Variants in PLCL1 observed in about 807,000 individuals in gnomAD.
PLCL1 encodes the protein phospholipase C like 1 (inactive), also known as inactive phospholipase C-like protein 1.
PLCL1 carries 41 observed loss-of-function variants against 84.4 expected under a neutral mutation model. The ratio of observed to expected loss-of-function variants is 0.49; its 90% confidence interval spans 0.38 to 0.63. The LOEUF (loss-of-function observed/expected upper bound fraction) is 0.63, where lower values mean the gene tolerates loss of function less well. PLCL1 is among the 30% of genes least tolerant of loss of function. The probability of loss-of-function intolerance (pLI) is 0.00; values close to 1 mark genes in which losing one functional copy is unlikely to be tolerated. For missense variants in PLCL1, 1,206 were observed against 1,367.8 expected, an observed-to-expected ratio of 0.88 and a Z score of 1.87; for synonymous variants, 490 against 488.3, an observed-to-expected ratio of 1.00 and a Z score of -0.05.
At chr2:198,039,483 C>G (rs1428554492) in intron 1 of PLCL1, among the ~76,000 whole-genome samples, 3 of 152,056 alleles carry the variant, frequency 2.0e-5, no homozygotes, top group Non-Finnish European at 4.4e-5. Context: ...AAATATTTTC[C>G]TGTCTCTTGG....
intron 1 of PLCL1, among the ~76,000 whole-genome samples, chr2:197,911,672 T>C (rs2105746539): frequency 6.6e-6 from 1 of 152,306 alleles, no homozygotes; most frequent in Admixed American, 6.5e-5. Flanking sequence ...TAGCTTCCTG[T>C]CCAATTTGTG....
At chr2:197,936,698 T>C (rs969659139) in intron 1 of PLCL1, among the ~76,000 whole-genome samples, 2 of 152,178 alleles carry the variant, frequency 1.3e-5, no homozygotes, top group Non-Finnish European at 2.9e-5. Flanking sequence ...ATTCTGTGAG[T>C]TGTCTCTTCA....
At chr2:197,961,689 A>G (rs1689627636) in intron 1 of PLCL1, among the ~76,000 whole-genome samples, 2 of 152,000 alleles carry the variant, frequency 1.3e-5, no homozygotes, top group African/African-American at 4.8e-5. Flanking sequence ...GGGCCATGGC[A>G]GTTAACGTCT....
At position 198,016,885 on chromosome 2, in the gene PLCL1, A is replaced by G. The variant is rs74929275; in HGVS notation, c.241-66873A>G. On this transcript the variant is annotated intron_variant, in intron 1 of 5. Transcript: ENST00000428675. ...CTTGCAGAGTCCTCAGTATCCAGTC[A>G]GCACTTAATGCTTATACTGCCACTT... Among the ~76,000 whole-genome samples the G allele has an allele frequency of 9.0e-3, 1,370 of 152,306 alleles. 21 individuals are homozygous for G. Among genetic ancestry groups the G allele is most frequent in the African/African-American group, 0.031 (1,306 of 41,570 alleles).
At chr2:198,063,879 G>A (rs533578262) in intron 1 of PLCL1, among the ~76,000 whole-genome samples, 1 of 152,172 alleles carries the variant, frequency 6.6e-6, no homozygotes, top group East Asian at 1.9e-4. Context: ...TGGAGATAGT[G>A]TTCCCACAGA....
chr2:197,817,313 T>C (rs1690710120), intron 1 of PLCL1, among the ~76,000 whole-genome samples: 1 of 152,146 alleles, frequency 6.6e-6, no homozygotes, highest in Admixed American at 6.5e-5. Flanking sequence ...GTTTATTTAG[T>C]GTGGGAACAA....
At chr2:197,895,627 G>C (rs1688120334) in intron 1 of PLCL1, among the ~76,000 whole-genome samples, 1 of 151,914 alleles carries the variant, frequency 6.6e-6, no homozygotes, top group South Asian at 2.1e-4. Flanking sequence ...GTGTGCTCTG[G>C]AAACAGTTTT....
intron 1 of PLCL1, among the ~76,000 whole-genome samples, chr2:198,071,313 T>C (rs1310414447): frequency 6.6e-6 from 1 of 151,974 alleles, no homozygotes; most frequent in Non-Finnish European, 1.5e-5. Context: ...CTCTTACTTA[T>C]ATCTTTGCTC....
intron 1 of PLCL1, among the ~76,000 whole-genome samples, chr2:198,006,055 C>A (rs1690721731): frequency 6.6e-6 from 1 of 152,074 alleles, no homozygotes; most frequent in Non-Finnish European, 1.5e-5. Flanking sequence ...TCCTAGGTAT[C>A]TAGAAAAGGA....
chr2:198,038,151 G>A (rs1042507623), intron 1 of PLCL1, among the ~76,000 whole-genome samples: 1 of 152,106 alleles, frequency 6.6e-6, no homozygotes, highest in African/African-American at 2.4e-5. Context: ...TCAGAAAAGG[G>A]CTTTTGTTCT....
intron 1 of PLCL1, among the ~76,000 whole-genome samples, chr2:198,011,130 A>G (rs1340429226): frequency 6.6e-6 from 1 of 151,532 alleles, no homozygotes; most frequent in African/African-American, 2.4e-5. Context: ...TCTAATTTTT[A>G]TGGTTTCCTT....
intron 1 of PLCL1, among the ~76,000 whole-genome samples, chr2:197,913,051 G>C (rs1438694259): frequency 2.0e-5 from 3 of 152,102 alleles, no homozygotes; most frequent in African/African-American, 7.2e-5. Context: ...AACAATGTAA[G>C]CTGAAATATG....
intron 1 of PLCL1, among the ~76,000 whole-genome samples, chr2:198,029,854 C>T (rs1691365139): frequency 9.6e-6 from 1 of 103,912 alleles, no homozygotes; most frequent in Admixed American, 1.0e-4. Flanking sequence ...GCATGCATCA[C>T]CATGCCCAGC....
Position 198,148,454 on chromosome 2 carries a change from A to G in PLCL1, c.*1492A>G, listed in dbSNP as rs757740335. ...AATTGAAAAAGCAAAGCTAATGAAAATGGGTTACTACATCAAAAATATCTT... is the reference window on the plus strand; with the variant it reads ...AATTGAAAAAGCAAAGCTAATGAAAGTGGGTTACTACATCAAAAATATCTT... On this transcript the variant is annotated 3_prime_UTR_variant, in exon 6 of 6. Coordinates refer to ENST00000428675, the MANE Select transcript of PLCL1 (RefSeq NM_006226.4). The G allele has an allele frequency of 2.0e-5, 3 of 152,314 alleles. No homozygotes were observed. The highest frequency in any genetic ancestry group is 4.4e-5 in the Non-Finnish European group (3 of 68,030). The allele number at this position is 152,314 out of a possible 1,614,324, so 9.4% of individuals were successfully genotyped here. A position where few individuals can be genotyped will look rare whatever the true frequency, so the allele number is the denominator to read the frequency against.
intron 1 of PLCL1, among the ~76,000 whole-genome samples, chr2:198,067,305 T>G (rs1692346034): frequency 6.6e-6 from 1 of 152,064 alleles, no homozygotes; most frequent in East Asian, 1.9e-4. Flanking sequence ...TTTTTGTATT[T>G]TTAGTAGAGA....
chr2:197,978,784 A>G (rs1203098221), intron 1 of PLCL1, among the ~76,000 whole-genome samples: 2 of 152,170 alleles, frequency 1.3e-5, no homozygotes, highest in African/African-American at 4.8e-5. Context: ...GTGCACTCAG[A>G]CACACACCCA....
intron 1 of PLCL1, among the ~76,000 whole-genome samples, chr2:197,890,385 C>T (rs1687991660): frequency 6.6e-6 from 1 of 152,134 alleles, no homozygotes; most frequent in Non-Finnish European, 1.5e-5. Flanking sequence ...CTCTTAGCAG[C>T]AACACCAACC....
intron 1 of PLCL1, among the ~76,000 whole-genome samples, chr2:197,878,638 T>C (rs1331849488): frequency 1.3e-5 from 2 of 152,122 alleles, no homozygotes; most frequent in Non-Finnish European, 2.9e-5. Context: ...ACTGTGTGTG[T>C]GTGCATGTGT....
intron 1 of PLCL1, among the ~76,000 whole-genome samples, chr2:198,065,405 A>G (rs1221973396): frequency 2.6e-5 from 4 of 152,160 alleles, no homozygotes; most frequent in Non-Finnish European, 4.4e-5. Context: ...GATAAATGTC[A>G]ATTCAATGAA....
Sources: allele counts gnomAD v4.1 joint callset (sites outside exome capture counted in the v4.1 genomes callset), GRCh38; gene constraint gnomAD v4.1.1; transcripts MANE v1.5; gene names NCBI Gene and HGNC (gene_info 2026-07-23, HGNC 2026-07-21).